Variants in SLC13A3 observed in about 807,000 individuals in gnomAD.
The protein encoded by SLC13A3 is solute carrier family 13 member 3.
Under a neutral mutation model 59.0 loss-of-function variants are expected in SLC13A3, and 40 were observed. The ratio of observed to expected loss-of-function variants is 0.68; its 90% CI spans 0.53 to 0.88. The LOEUF (loss-of-function observed/expected upper bound fraction) is 0.88. SLC13A3 is among the 40% of genes least tolerant of loss of function. The pLI is 0.00. For synonymous variants in SLC13A3, 317 were observed against 330.3 expected (o/e 0.96, Z 0.44); for missense variants, 699 against 783.2 (o/e 0.89, Z 1.28).
In SLC13A3 at chr20:46,635,301, G is replaced by A. The variant is rs187315172; in HGVS notation, c.111+16010C>T. Among the ~76,000 whole-genome samples the A allele has an allele frequency of 3.9e-4, 59 of 152,230 alleles. No homozygotes were observed. In the East Asian group the frequency reaches 9.7e-3, roughly 25 times the overall value. Reference sequence around the variant, plus strand: ...AAGGAATTTGAAGCACACACGGCAGGCCCAGGGAAAGGACCCAGCCTGGTT... The same window carrying A: ...AAGGAATTTGAAGCACACACGGCAGACCCAGGGAAAGGACCCAGCCTGGTT... On this transcript the variant is annotated intron_variant, in intron 1 of 12. Coordinates refer to ENST00000279027, the MANE Select transcript of SLC13A3 (RefSeq NM_022829.6).
At chr20:46,603,013 C>A (rs771251725) in intron 3 of SLC13A3, among the ~76,000 whole-genome samples, 31 of 151,808 alleles carry the variant, frequency 2.0e-4, no homozygotes, top group Non-Finnish European at 3.8e-4. Context: ...ACCCCGTCTC[C>A]ACTAAAAATA....
chr20:46,601,177 C>G (rs1437925601), intron 3 of SLC13A3, among the ~76,000 whole-genome samples: 1 of 152,122 alleles, frequency 6.6e-6, no homozygotes, highest in Non-Finnish European at 1.5e-5. Context: ...GGGAAGGGGA[C>G]CCCCTGCAGG....
At chr20:46,606,436 C>G (rs2062438080) in intron 3 of SLC13A3, among the ~76,000 whole-genome samples, 1 of 152,182 alleles carries the variant, frequency 6.6e-6, no homozygotes, top group African/African-American at 2.4e-5. Flanking sequence ...ATTAAAGACC[C>G]TTGTGTTGTG....
rs74790059 is a variant in SLC13A3, at chr20:46,584,953, C to T, written c.1122-1284G>A. 9.8e-3 allele frequency: 1,655 copies of T among 169,058 alleles called. 21 individuals are homozygous for T. The highest frequency in any genetic ancestry group is 0.033 in the African/African-American group (1,362 of 41,790). 10.5% of individuals were successfully genotyped at this position (169,058 alleles called of 1,614,324 possible). ...CTGTTTAAAAAAAGATAAAAGATAA[C>T]GTCAATCTATGTATTGACATAGAAA... On this transcript the variant is annotated intron_variant, in intron 8 of 12. Coordinates refer to ENST00000279027, the MANE Select transcript of SLC13A3 (RefSeq NM_022829.6).
At chr20:46,651,500 G>T (rs1057438278), upstream of SLC13A3, 1 of 1,350,096 alleles carries the variant, frequency 7.4e-7, no homozygotes, top group Non-Finnish European at 9.4e-7. Context: ...CCTGGGGGAG[G>T]GTCGGGGAGG....
intron 3 of SLC13A3, among the ~76,000 whole-genome samples, chr20:46,610,001 G>T (rs777906495): frequency 1.3e-5 from 2 of 152,330 alleles, no homozygotes; most frequent in Middle Eastern, 3.4e-3. Context: ...GTACACGAAA[G>T]TTCCTGTGGC....
chr20:46,597,312 C>T (rs909509709), intron 4 of SLC13A3, among the ~76,000 whole-genome samples: 4 of 151,902 alleles, frequency 2.6e-5, no homozygotes, highest in Admixed American at 2.0e-4. Context: ...AAATGATGTC[C>T]GCTATTCTCC....
At chr20:46,657,997 C>T (rs1480132427) in intron 1 of SLC13A3, among the ~76,000 whole-genome samples, 2 of 151,994 alleles carry the variant, frequency 1.3e-5, no homozygotes, top group African/African-American at 4.8e-5. Flanking sequence ...ACATCAAAAC[C>T]ATCTCAGGGG....
At chr20:46,647,066 C>G (rs572823009) in intron 1 of SLC13A3, among the ~76,000 whole-genome samples, 1 of 152,282 alleles carries the variant, frequency 6.6e-6, no homozygotes, top group South Asian at 2.1e-4. Flanking sequence ...CACCGTGACA[C>G]CTTTGTGCAA....
intron 1 of SLC13A3, among the ~76,000 whole-genome samples, chr20:46,658,510 A>G (rs964903942): frequency 2.0e-5 from 3 of 152,192 alleles, no homozygotes; most frequent in African/African-American, 7.2e-5. Context: ...ATACCTCAAT[A>G]AAGCCAGAAC....
At chr20:46,612,099 C>T (rs1190037808) in intron 2 of SLC13A3, among the ~76,000 whole-genome samples, 7 of 114,490 alleles carry the variant, frequency 6.1e-5, no homozygotes, top group South Asian at 2.9e-4. Context: ...TCTTTTCTTT[C>T]TTTCTCTCTT....
intron 1 of SLC13A3, among the ~76,000 whole-genome samples, chr20:46,664,107 T>C (rs2063048716): frequency 6.6e-6 from 1 of 152,200 alleles, no homozygotes; most frequent in Non-Finnish European, 1.5e-5. Flanking sequence ...TTAAAAGTGC[T>C]GATGCTCCAT....
intron 3 of SLC13A3, among the ~76,000 whole-genome samples, chr20:46,604,519 TAC>T (rs1385013847): frequency 6.6e-6 from 1 of 152,174 alleles, no homozygotes; most frequent in African/African-American, 2.4e-5. Context: ...TCAGGCCACA[TAC>T]ACAGCCATGT....
intron 10 of SLC13A3, among the ~76,000 whole-genome samples, 159 bp downstream of exon 10, chr20:46,575,414 G>T (rs2062065195): frequency 6.6e-6 from 1 of 152,224 alleles, no homozygotes; most frequent in Admixed American, 6.5e-5. Flanking sequence ...CACCAGGAAT[G>T]AACTATGATC....
chr20:46,615,842 T>G (rs1290481502), intron 1 of SLC13A3, among the ~76,000 whole-genome samples: 1 of 152,210 alleles, frequency 6.6e-6, no homozygotes, highest in African/African-American at 2.4e-5. Flanking sequence ...AGTCTCCCGC[T>G]GGGAGAATTT....
upstream of SLC13A3, among the ~76,000 whole-genome samples, chr20:46,653,983 G>A (rs548240171): frequency 1.5e-3 from 235 of 152,214 alleles, 2 homozygotes; most frequent in African/African-American, 5.2e-3. Flanking sequence ...GGATCATAAG[G>A]TAATTCTGCG....
chr20:46,562,762 G>C (rs946719086), intron 12 of SLC13A3, among the ~76,000 whole-genome samples: 1 of 152,096 alleles, frequency 6.6e-6, no homozygotes, highest in African/African-American at 2.4e-5. Flanking sequence ...TGTTTGCTCT[G>C]TGTCTCCCTT....
intron 1 of SLC13A3, among the ~76,000 whole-genome samples, chr20:46,676,250 C>A (rs1304021806): frequency 4.6e-5 from 7 of 151,824 alleles, no homozygotes; most frequent in South Asian, 2.1e-4. Flanking sequence ...TGAAAAGTAC[C>A]CATATAAACA....
At position 46,584,208 on chromosome 20, in the gene SLC13A3, C is replaced by T. The variant is rs547933772; in HGVS notation, c.1122-539G>A. The T allele has an allele frequency of 1.3e-5, 13 of 985,352 alleles. No individual in the cohort carries two copies. The East Asian group carries it at 6.8e-4, about 52-fold the overall frequency. The allele number at this position is 985,352 out of a possible 1,614,324, so 61.0% of individuals were successfully genotyped here. On this transcript the variant is annotated intron_variant, in intron 8 of 12. Transcript: ENST00000279027. ...GGGAGTTTTGCGCACATTAAGCCCT[C>T]GGGGCAGGCACTTTCCATTTCAGGT...
Sources: allele counts gnomAD v4.1 joint callset (sites outside exome capture counted in the v4.1 genomes callset), GRCh38; gene constraint gnomAD v4.1.1; transcripts MANE v1.5; gene names NCBI Gene and HGNC (gene_info 2026-07-23, HGNC 2026-07-21).